SREK1IP1: variants seen among roughly 807,000 people sequenced by gnomAD.
SREK1IP1 encodes the protein SREK1 interacting protein 1.
A neutral mutation model predicts 22.8 loss-of-function variants in SREK1IP1; 12 were observed. The ratio of observed to expected loss-of-function variants is 0.53; its 90% CI spans 0.34 to 0.85. SREK1IP1 has a LOEUF of 0.85. Ranked by LOEUF, SREK1IP1 falls within the 40% of genes least tolerant of loss-of-function variation. The pLI, the probability that SREK1IP1 is intolerant of heterozygous loss-of-function variation, is 0.02. For synonymous variants in SREK1IP1, 53 were observed against 52.7 expected (o/e 1.01, Z -0.02); for missense variants, 147 against 171.8 (o/e 0.86, Z 0.81).
intron 2 of SREK1IP1, among the ~76,000 whole-genome samples, chr5:64,749,059 C>CATCATAATAATA (rs1554065277): frequency 7.6e-6 from 1 of 131,644 alleles, no homozygotes; most frequent in African/African-American, 2.7e-5. Flanking sequence ...AGCTATGCCA[C>CATCATAATAATA]ATAATAATAA....
intron 1 of SREK1IP1, among the ~76,000 whole-genome samples, chr5:64,756,127 CAAATT>C (rs1742837089): frequency 1.3e-5 from 2 of 152,068 alleles, no homozygotes; most frequent in Admixed American, 1.3e-4. Flanking sequence ...ATACCAGAGA[CAAATT>C]AAAACTGATT....
chr5:64,761,251 C>G (rs188592744), intron 1 of SREK1IP1, among the ~76,000 whole-genome samples: 72 of 152,128 alleles, frequency 4.7e-4, no homozygotes, highest in Non-Finnish European at 8.8e-5. Flanking sequence ...CTTAAAGTAG[C>G]CATATAATTT....
chr5:64,760,405 A>T (rs1469618322), intron 1 of SREK1IP1, among the ~76,000 whole-genome samples: 8 of 152,080 alleles, frequency 5.3e-5, no homozygotes, highest in Admixed American at 2.0e-4. Context: ...GCACAAAGGG[A>T]GGTGGGGGGA....
At chr5:64,731,521 C>CAAGAAAAAAAAAAAAAAAAAAAA (rs1742379187) in intron 3 of SREK1IP1, among the ~76,000 whole-genome samples, 1 of 74,632 alleles carries the variant, frequency 1.3e-5, no homozygotes, top group African/African-American at 4.1e-5. Context: ...GCCCTTGTCT[C>CAAGAAAAAAAAAAAAAAAAAAAA]AAAAAAAAAA....
intron 2 of SREK1IP1, among the ~76,000 whole-genome samples, chr5:64,744,689 TGTA>T (rs1212633677): frequency 6.6e-6 from 1 of 152,234 alleles, no homozygotes; most frequent in East Asian, 1.9e-4. Context: ...TAGTTTTATG[TGTA>T]GTTTTATTAA....
In SREK1IP1 at chr5:64,723,917, T is replaced by C. The variant is rs976345426; in HGVS notation, c.*467A>G. 17 of 152,788 alleles carry C rather than the reference T, an allele frequency of 1.1e-4. No homozygotes were observed. Among genetic ancestry groups the C allele is most frequent in the African/African-American group, 4.1e-4 (17 of 41,454 alleles). The allele number at this position is 152,788 out of a possible 1,614,324, so 9.5% of individuals were successfully genotyped here. A position where few individuals can be genotyped will look rare whatever the true frequency, so the allele number is the denominator to read the frequency against. On this transcript the variant is annotated 3_prime_UTR_variant, in exon 5 of 5. Transcript: ENST00000513458. Reference sequence around the variant, plus strand: ...GAAGAATTTCACTATCTTTAAAAGATATTATATTTTAGTACATAAAGCTAT... The same window carrying C: ...GAAGAATTTCACTATCTTTAAAAGACATTATATTTTAGTACATAAAGCTAT...
rs891078154 is a variant in SREK1IP1, at chr5:64,720,306, T to A, written c.*4078A>T. The A allele has an allele frequency of 3.9e-5, 6 of 151,962 alleles. No individual in the cohort carries two copies. Among genetic ancestry groups the A allele is most frequent in the Non-Finnish European group, 8.8e-5 (6 of 68,022 alleles). The allele number at this position is 151,962 out of a possible 1,614,324, so 9.4% of individuals were successfully genotyped here. A position where few individuals can be genotyped will look rare whatever the true frequency, so the allele number is the denominator to read the frequency against. On this transcript the variant is annotated 3_prime_UTR_variant, in exon 5 of 5. Transcript: ENST00000513458. ...TACAGTAGCTTTATGTGTTTTTAGATGATTTAGGTTACTGTGTAATTTTTG... is the reference window on the plus strand; with the variant it reads ...TACAGTAGCTTTATGTGTTTTTAGAAGATTTAGGTTACTGTGTAATTTTTG...
At chr5:64,751,914 C>T (rs10061235) in intron 2 of SREK1IP1, among the ~76,000 whole-genome samples, 49,004 of 151,728 alleles carry the variant, frequency 0.32, 8,246 homozygotes, top group East Asian at 0.51. Flanking sequence ...AAGGTATTTA[C>T]ATATTTGTTT....
intron 1 of SREK1IP1, among the ~76,000 whole-genome samples, chr5:64,765,886 G>T (rs962009522): frequency 6.6e-6 from 1 of 152,194 alleles, no homozygotes; most frequent in East Asian, 1.9e-4. Flanking sequence ...TATCACACAG[G>T]TGCCCAAAAG....
At chr5:64,724,710 A>G (rs1742234669) in intron 4 of SREK1IP1, 137 bp from the exon 5 acceptor site, 2 of 663,322 alleles carry the variant, frequency 3.0e-6, no homozygotes, top group Non-Finnish European at 4.7e-6. Context: ...TGCTTCATAT[A>G]TTTGCATTCC....
rs970984940 is a variant in SREK1IP1, at chr5:64,722,226, T to A, written c.*2158A>T. ...TCATTTCTGGGGGGAAAATTACTGA[T>A]CATTAAAATATTTTAATTTGCATAC... On this transcript the variant is annotated 3_prime_UTR_variant, in exon 5 of 5. Transcript: ENST00000513458. The A allele has an allele frequency of 3.3e-5, 5 of 152,164 alleles. No homozygotes were observed. The highest frequency in any genetic ancestry group is 1.2e-4 in the African/African-American group (5 of 41,434). The allele number at this position is 152,164 out of a possible 1,614,324, so 9.4% of individuals were successfully genotyped here.
rs572568800 is a variant in SREK1IP1, at chr5:64,759,915, C to G, written c.14-5553G>C. ...AATTAGTACTATCTCTTATGGAAAGCAGGCTGACAAAACCTGTCAGAATTA... is the reference window on the plus strand; with the variant it reads ...AATTAGTACTATCTCTTATGGAAAGGAGGCTGACAAAACCTGTCAGAATTA... On this transcript the variant is annotated intron_variant, in intron 1 of 4. Transcript: ENST00000513458. 3.9e-5 allele frequency among the ~76,000 whole-genome samples: 6 copies of G among 152,278 alleles called. No individual in the cohort carries two copies. In the South Asian group the frequency reaches 1.2e-3, roughly 32 times the overall value.
intron 3 of SREK1IP1, among the ~76,000 whole-genome samples, chr5:64,729,541 G>C (rs984801621): frequency 7.2e-5 from 11 of 152,194 alleles, no homozygotes; most frequent in African/African-American, 2.7e-4. Context: ...GCAGGAACTT[G>C]CTTATTCAAG....
intron 2 of SREK1IP1, among the ~76,000 whole-genome samples, chr5:64,746,848 T>C (rs932624071): frequency 2.0e-5 from 3 of 152,198 alleles, no homozygotes; most frequent in Admixed American, 6.5e-5. Flanking sequence ...CTGATGCCTA[T>C]AGCGAGTCTA....
chr5:64,762,011 G>A (rs1310089297), intron 1 of SREK1IP1, among the ~76,000 whole-genome samples: 1 of 152,156 alleles, frequency 6.6e-6, no homozygotes, highest in Non-Finnish European at 1.5e-5. Flanking sequence ...CTTGCTTCAG[G>A]TTGGTCAGTG....
Position 64,724,198 on chromosome 5 carries a change from A to G in SREK1IP1, c.*186T>C. 2.0e-6 allele frequency: 1 copy of G among 494,802 alleles called. No individual in the cohort carries two copies. Among genetic ancestry groups the G allele is most frequent in the Non-Finnish European group, 3.6e-6 (1 of 279,118 alleles). The allele number at this position is 494,802 out of a possible 1,614,324, so 30.7% of individuals were successfully genotyped here. ...GGCTATCAAGTAACAAGACTGATTTAATACTTTACAGTTACAGCACATTAA... is the reference window on the plus strand; with the variant it reads ...GGCTATCAAGTAACAAGACTGATTTGATACTTTACAGTTACAGCACATTAA... On this transcript the variant is annotated 3_prime_UTR_variant, in exon 5 of 5. Transcript: ENST00000513458.
At chr5:64,728,953 G>T (rs1444362197) in intron 3 of SREK1IP1, among the ~76,000 whole-genome samples, 1 of 152,138 alleles carries the variant, frequency 6.6e-6, no homozygotes, top group East Asian at 1.9e-4. Flanking sequence ...CAGCACTTTG[G>T]GAGGCGAGGC....
intron 3 of SREK1IP1, among the ~76,000 whole-genome samples, chr5:64,730,984 A>C (rs1223009812): frequency 6.6e-6 from 1 of 152,210 alleles, no homozygotes; most frequent in Non-Finnish European, 1.5e-5. Context: ...GGGAAGACTA[A>C]CTGAATGAAA....
intron 2 of SREK1IP1, among the ~76,000 whole-genome samples, chr5:64,747,029 T>C (rs566098727): frequency 2.0e-5 from 3 of 152,274 alleles, no homozygotes; most frequent in South Asian, 4.1e-4. Context: ...ATGGAGGAGA[T>C]GCGTAGGGCA....
Sources: allele counts gnomAD v4.1 joint callset (sites outside exome capture counted in the v4.1 genomes callset), GRCh38; gene constraint gnomAD v4.1.1; transcripts MANE v1.5; gene names NCBI Gene and HGNC (gene_info 2026-07-23, HGNC 2026-07-21).